The following TNRC18 variants were observed in gnomAD, a reference collection of about 807,000 sequenced individuals.
TNRC18 encodes the protein trinucleotide repeat containing 18.
TNRC18 carries 69 observed loss-of-function variants against 226.7 expected under a neutral mutation model. The ratio of observed to expected loss-of-function variants is 0.30; its 90% CI spans 0.25 to 0.37. The LOEUF is 0.37. Ranked by LOEUF, TNRC18 falls within the 10% of genes least tolerant of loss-of-function variation. The probability of loss-of-function intolerance (pLI) is 1.00; values close to 1 mark genes in which losing one functional copy is unlikely to be tolerated. For synonymous variants in TNRC18, 2,449 were observed against 1,927.6 expected (o/e 1.27, Z -7.09); for missense variants, 4,754 against 4,256.6 (o/e 1.12, Z -3.25).
chr7:5,367,687 C>T (rs1793747014), intron 11 of TNRC18, among the ~76,000 whole-genome samples: 1 of 151,310 alleles, frequency 6.6e-6, no homozygotes, highest in Admixed American at 6.6e-5. Flanking sequence ...CTCGGCCTCC[C>T]AAAATGCTGG....
At chr7:5,356,502 G>C (rs1421162456) in intron 16 of TNRC18, among the ~76,000 whole-genome samples, 1 of 152,246 alleles carries the variant, frequency 6.6e-6, no homozygotes, top group Admixed American at 6.5e-5. Flanking sequence ...GGGGAGTCCG[G>C]TCACCTCTAG....
Position 5,313,364 on chromosome 7 carries a change from G to T in TNRC18, c.7527C>A (p.Gly2509=). ...GCCAGGGTGCCTTGGGCTCGCTGCT[G>T]CCGGCCGCGGGGGGATAGCTGCCCA... is the stretch of plus-strand genomic sequence containing the variant. The part of the protein sequence containing the change: ...LSLGSYPPAA[G]SSEPKAPWPK... The change falls in exon 27 of 30, where the codon GGC becomes GGA. Residue 2509 remains glycine, a synonymous_variant. Coordinates refer to ENST00000430969, the MANE Select transcript of TNRC18 (RefSeq NM_001080495.3). 3 of 1,572,844 alleles carry T rather than the reference G, an allele frequency of 1.9e-6. No homozygotes were observed. Among genetic ancestry groups the T allele is most frequent in the Non-Finnish European group, 2.6e-6 (3 of 1,160,532 alleles).
At chr7:5,320,171 C>T in intron 24 of TNRC18, 147 bp downstream of exon 24, 1 of 644,666 alleles carries the variant, frequency 1.6e-6, no homozygotes. Flanking sequence ...TGCCTGGATC[C>T]AATCATGCCT....
intron 24 of TNRC18, among the ~76,000 whole-genome samples, chr7:5,316,829 G>C (rs1787898502): frequency 1.3e-5 from 2 of 152,170 alleles, no homozygotes; most frequent in African/African-American, 4.8e-5. Flanking sequence ...ACGAGGAGGA[G>C]GTGGTTTTCC....
At chr7:5,411,402 C>T (rs538255711) in intron 2 of TNRC18, among the ~76,000 whole-genome samples, 68 of 150,498 alleles carry the variant, frequency 4.5e-4, no homozygotes, top group Admixed American at 1.1e-3. Flanking sequence ...CCTGTAATCC[C>T]AGCTACTCAG....
intron 15 of TNRC18, among the ~76,000 whole-genome samples, chr7:5,358,219 G>A (rs1190989941): frequency 1.3e-5 from 2 of 152,186 alleles, no homozygotes; most frequent in African/African-American, 4.8e-5. Flanking sequence ...CAGAAAGAAC[G>A]ATTAGAGATT....
In TNRC18 at chr7:5,387,559, G is replaced by A. The variant is rs954754085; in HGVS notation, c.2152+113C>T. Reference sequence around the variant, plus strand: ...AACATTCAAGACCATTTTAAAAAATGATACTTATAAAGACTTAGCAATAGC... The same window carrying A: ...AACATTCAAGACCATTTTAAAAAATAATACTTATAAAGACTTAGCAATAGC... On this transcript the variant is annotated intron_variant, in intron 5 of 29. Coordinates refer to ENST00000430969, the MANE Select transcript of TNRC18 (RefSeq NM_001080495.3). The A allele has an allele frequency of 5.6e-6, 8 of 1,426,644 alleles. No homozygotes were observed. In the Admixed American group the frequency reaches 1.3e-4, roughly 24 times the overall value. 88.4% of individuals were successfully genotyped at this position (1,426,644 alleles called of 1,614,324 possible). A position where few individuals can be genotyped will look rare whatever the true frequency, so the allele number is the denominator to read the frequency against.
chr7:5,388,437 T>G lies in TNRC18; in HGVS notation c.1387A>C (p.Lys463Gln), dbSNP rs1342095352. ...SPDPRAYVPA[K>Q]ELLKPEADPR... is the part of the protein sequence containing the mutation. ...TCCGCCTCGGGCTTGAGCAGCTCCT[T>G]GGCAGGCACGTAGGCGCGGGGGTCC... The change falls in exon 5 of 30, where the codon AAG (lysine) becomes CAG (glutamine). Residue 463 changes from lysine to glutamine, a missense_variant. Lys to Gln is a moderately conservative substitution (Grantham distance 53). Transcript: ENST00000430969. 2.7e-6 allele frequency: 4 copies of G among 1,466,920 alleles called. No homozygotes were observed. In the East Asian group the frequency reaches 8.5e-5, roughly 31 times the overall value. 90.9% of individuals were successfully genotyped at this position (1,466,920 alleles called of 1,614,324 possible).
intron 18 of TNRC18, 45 bp downstream of exon 18, chr7:5,345,517 G>GGGGGGGGGGGGGCC: frequency 2.6e-6 from 1 of 377,744 alleles, no homozygotes; most frequent in Non-Finnish European, 4.8e-6. Context: ...AATGGCGTCC[G>GGGGGGGGGGGGGCC]CCCCTCCCAC....
intron 2 of TNRC18, among the ~76,000 whole-genome samples, chr7:5,415,056 TA>T (rs1026889911): frequency 1.3e-5 from 2 of 152,102 alleles, no homozygotes; most frequent in African/African-American, 4.8e-5. Context: ...TCCTTCCACT[TA>T]AAACCCTCCA....
chr7:5,337,136 A>G (rs1790197571), intron 18 of TNRC18, among the ~76,000 whole-genome samples: 2 of 152,180 alleles, frequency 1.3e-5, no homozygotes, highest in Middle Eastern at 3.2e-3. Flanking sequence ...AACAAGAAAA[A>G]TGTAACCTAT....
intron 11 of TNRC18, among the ~76,000 whole-genome samples, chr7:5,363,683 G>C (rs912905024): frequency 6.6e-6 from 1 of 152,156 alleles, no homozygotes; most frequent in Non-Finnish European, 1.5e-5. Context: ...ACAGAGTACA[G>C]GCTAGGCACA....
At chr7:5,327,392 T>C (rs1273064730) in intron 19 of TNRC18, among the ~76,000 whole-genome samples, 1 of 146,992 alleles carries the variant, frequency 6.8e-6, no homozygotes, top group African/African-American at 2.5e-5. Context: ...TGTGTGTGTG[T>C]GTGTGTGTGT....
chr7:5,322,156 T>C (rs1788437683), intron 21 of TNRC18, among the ~76,000 whole-genome samples: 1 of 151,890 alleles, frequency 6.6e-6, no homozygotes, highest in Non-Finnish European at 1.5e-5. Context: ...TGCACGCCTG[T>C]AGTCCCAGCT....
At chr7:5,316,316 G>A (rs1321438005) in intron 24 of TNRC18, among the ~76,000 whole-genome samples, 32 of 125,938 alleles carry the variant, frequency 2.5e-4, no homozygotes, top group Admixed American at 1.3e-3. Flanking sequence ...TTTCGCTGTC[G>A]ATGCCCAGGC....
At chr7:5,316,272 G>GTTT (rs1787832305) in intron 24 of TNRC18, among the ~76,000 whole-genome samples, 200 bp from the exon 25 acceptor site, 5 of 76,666 alleles carry the variant, frequency 6.5e-5, no homozygotes, top group Admixed American at 1.8e-4. Context: ...GGAGAAATGG[G>GTTT]TCTTTTTTTT....
chr7:5,320,379 G>C lies in TNRC18; in HGVS notation c.6684C>G (p.Thr2228=), dbSNP rs1278283386. 6.4e-7 allele frequency: 1 copy of C among 1,561,740 alleles called. No individual in the cohort carries two copies. The highest frequency in any genetic ancestry group is 8.7e-7 in the Non-Finnish European group (1 of 1,152,804). Residue 2228 remains threonine, a synonymous_variant, in exon 24 of 30, where the codon ACC becomes ACG. Coordinates refer to ENST00000430969, the MANE Select transcript of TNRC18 (RefSeq NM_001080495.3). ...GCTGGCTCCAGTAGGCTGCAATCCT[G>C]GTCCCTTGTGGCAAGAAGCGAGTGG... ...PASTRFLPQG[T]RIAAYWSQQY... is the part of the protein sequence containing the mutation.
chr7:5,312,486 G>T lies in TNRC18; in HGVS notation c.8388+17C>A. The T allele has an allele frequency of 6.2e-7, 1 of 1,608,462 alleles. No homozygotes were observed. The highest frequency in any genetic ancestry group is 2.2e-5 in the East Asian group (1 of 44,822). On this transcript the variant is annotated intron_variant, in intron 27 of 29. Coordinates refer to ENST00000430969, the MANE Select transcript of TNRC18 (RefSeq NM_001080495.3). This position sits in a 1 kb window ranked among gnomAD's most constrained non-coding sequence, Gnocchi z 6.3. Reference sequence around the variant, plus strand: ...GCCCCCGGCCCCTCGGCCGTGCCCGGGCGCGAGCTTGCTCACCTGGGTGGG... The same window carrying T: ...GCCCCCGGCCCCTCGGCCGTGCCCGTGCGCGAGCTTGCTCACCTGGGTGGG...
At chr7:5,368,205 G>A (rs570122899) in intron 11 of TNRC18, among the ~76,000 whole-genome samples, 2 of 152,044 alleles carry the variant, frequency 1.3e-5, no homozygotes, top group East Asian at 1.9e-4. Context: ...GGGTGCTCAC[G>A]CTTGTAATCC....
Sources: allele counts gnomAD v4.1 joint callset (sites outside exome capture counted in the v4.1 genomes callset), GRCh38; gene constraint gnomAD v4.1.1; non-coding constraint Gnocchi (gnomAD v3.1); transcripts MANE v1.5; gene names NCBI Gene and HGNC (gene_info 2026-07-23, HGNC 2026-07-21).